Variants in MAGI1 observed in about 807,000 individuals in gnomAD.
MAGI1 encodes the protein membrane associated guanylate kinase, WW and PDZ domain containing 1, also known as membrane-associated guanylate kinase, WW and PDZ domain-containing protein 1.
MAGI1 carries 58 observed loss-of-function variants against 139.9 expected under a neutral mutation model. The ratio of observed to expected loss-of-function variants is 0.41; its 90% confidence interval spans 0.34 to 0.52. The LOEUF is 0.52. MAGI1 is among the 20% of genes least tolerant of loss of function. The pLI, the probability that MAGI1 is intolerant of heterozygous loss-of-function variation, is 0.12. For synonymous variants in MAGI1, 812 were observed against 737.9 expected (o/e 1.10, Z -1.63); for missense variants, 1,874 against 1,901.6 (o/e 0.99, Z 0.27).
rs536433343 is a variant in MAGI1, at chr3:65,409,809, A to G, written c.2168-8339T>C. Among the ~76,000 whole-genome samples the G allele has an allele frequency of 1.1e-4, 16 of 152,308 alleles. No individual in the cohort carries two copies. The Middle Eastern group carries it at 0.01, about 97-fold the overall frequency. On this transcript the variant is annotated intron_variant, in intron 12 of 22. Transcript: ENST00000402939. ...ATGGTCATTATGAAGTATTTTGACC[A>G]TCATAATTTAGAGAGATAGTTGGAC...
At chr3:65,636,802 A>C (rs1166704346) in intron 1 of MAGI1, among the ~76,000 whole-genome samples, 1 of 152,248 alleles carries the variant, frequency 6.6e-6, no homozygotes, top group East Asian at 1.9e-4. Context: ...GAAGGCATAG[A>C]ATGAAGTAAA....
At chr3:65,829,333 C>A (rs923047103) in intron 1 of MAGI1, among the ~76,000 whole-genome samples, 11 of 152,134 alleles carry the variant, frequency 7.2e-5, no homozygotes, top group African/African-American at 2.7e-4. Flanking sequence ...CCCAAAATTC[C>A]TATGTTGGAA....
At position 65,387,388 on chromosome 3, in the gene MAGI1, C is replaced by CTT. The variant is rs35217636; in HGVS notation, c.2416+3752_2416+3753dup. Among the ~76,000 whole-genome samples, 557 of 146,900 alleles carry CTT rather than the reference C, an allele frequency of 3.8e-3. 1 individual carries two copies. The highest frequency in any genetic ancestry group is 7.3e-3 in the African/African-American group (294 of 40,388). On this transcript the variant is annotated intron_variant, in intron 14 of 22. Coordinates refer to ENST00000402939, the MANE Select transcript of MAGI1 (RefSeq NM_001033057.2). ...TATAGTTTGATTCCATTTTTTCTTT[C>CTT]TTTTTTTTTTTACAGTGCTTTACTT... is the stretch of plus-strand genomic sequence containing the variant.
chr3:65,776,262 T>TTTA (rs2038410948), intron 1 of MAGI1, among the ~76,000 whole-genome samples: 2 of 150,608 alleles, frequency 1.3e-5, no homozygotes, highest in East Asian at 1.9e-4. Flanking sequence ...TTTTTTTTTT[T>TTTA]ATGGCTTCTG....
chr3:65,356,470 T>C lies in MAGI1; in HGVS notation c.4297A>G (p.Asn1433Asp). Residue 1433 changes from asparagine to aspartate, a missense_variant, in exon 23 of 23, where the codon AAT (asparagine) becomes GAT (aspartate). By Grantham distance (23) the Asn-to-Asp change is conservative (BLOSUM62 1). Transcript: ENST00000402939. ...RASHREREEANLKQDAGRSSR... is the reference protein window; with the variant it reads ...RASHREREEADLKQDAGRSSR... The stretch of plus-strand genomic sequence containing the variant: ...CTTCTGCCGGCATCCTGTTTCAGAT[T>C]CGCCTCTTCCCTTTCTCGGTGGCTG... 6.2e-7 allele frequency: 1 copy of C among 1,612,006 alleles called. No homozygotes were observed. The highest frequency in any genetic ancestry group is 8.5e-7 in the Non-Finnish European group (1 of 1,179,954).
chr3:65,506,969 C>T (rs552695971), intron 2 of MAGI1, among the ~76,000 whole-genome samples: 2 of 152,286 alleles, frequency 1.3e-5, no homozygotes, highest in South Asian at 2.1e-4. Flanking sequence ...CTCAAGTATA[C>T]AGCGAAATAG....
At chr3:65,591,194 C>T (rs183973373) in intron 2 of MAGI1, among the ~76,000 whole-genome samples, 104 of 152,236 alleles carry the variant, frequency 6.8e-4, no homozygotes, top group African/African-American at 2.5e-3. Context: ...CTGTCAAGCT[C>T]ACTATGTCCA....
intron 7 of MAGI1, among the ~76,000 whole-genome samples, chr3:65,447,204 C>A (rs1948732574): frequency 6.6e-6 from 1 of 152,302 alleles, no homozygotes; most frequent in South Asian, 2.1e-4. Context: ...CTTATGCTTT[C>A]CTATGTATCC....
chr3:65,509,526 C>CG (rs2077468460), intron 2 of MAGI1, among the ~76,000 whole-genome samples: 2 of 152,192 alleles, frequency 1.3e-5, no homozygotes, highest in African/African-American at 4.8e-5. Context: ...CCCTTTCCGA[C>CG]TCAAAGAAAG....
intron 1 of MAGI1, among the ~76,000 whole-genome samples, chr3:65,987,851 G>T (rs894982052): frequency 2.0e-5 from 3 of 152,200 alleles, no homozygotes; most frequent in African/African-American, 4.8e-5. Flanking sequence ...TTACAGTCAT[G>T]AGCCACTGCT....
chr3:65,406,801 C>A (rs1320439240), intron 12 of MAGI1, among the ~76,000 whole-genome samples: 4 of 145,048 alleles, frequency 2.8e-5, no homozygotes, highest in Non-Finnish European at 4.7e-5. Flanking sequence ...AGATCTCTCT[C>A]TCTCTATATA....
At chr3:65,869,266 A>G (rs1292129248) in intron 1 of MAGI1, among the ~76,000 whole-genome samples, 1 of 151,320 alleles carries the variant, frequency 6.6e-6, no homozygotes, top group African/African-American at 2.4e-5. Flanking sequence ...AAAAAAAAAA[A>G]AAAAACAACA....
chr3:65,376,552 G>A (rs771038652), intron 17 of MAGI1, among the ~76,000 whole-genome samples: 28 of 152,154 alleles, frequency 1.8e-4, no homozygotes, highest in Admixed American at 1.4e-3. Flanking sequence ...GAAAAAGGGT[G>A]TAATTATAAG....
intron 1 of MAGI1, among the ~76,000 whole-genome samples, chr3:65,730,842 G>A (rs1211741497): frequency 1.3e-5 from 2 of 152,034 alleles, no homozygotes; most frequent in East Asian, 1.9e-4. Flanking sequence ...GTGAGAGGCT[G>A]AAGTGTTGTC....
intron 1 of MAGI1, among the ~76,000 whole-genome samples, chr3:65,984,549 T>TGA (rs1553743211): frequency 7.7e-5 from 11 of 143,362 alleles, no homozygotes; most frequent in South Asian, 2.2e-4. Context: ...TGTGTGTGTG[T>TGA]GACAGGGTCT....
intron 1 of MAGI1, among the ~76,000 whole-genome samples, chr3:65,747,757 C>G (rs1344224113): frequency 6.6e-6 from 1 of 152,144 alleles, no homozygotes; most frequent in Non-Finnish European, 1.5e-5. Context: ...CATGGAGACT[C>G]TACTTTCTGC....
At chr3:65,961,761 C>T (rs78151867) in intron 1 of MAGI1, among the ~76,000 whole-genome samples, 9,657 of 152,238 alleles carry the variant, frequency 0.063, 413 homozygotes, top group Middle Eastern at 0.1. Context: ...TCATTTTACA[C>T]GTTTCAAGAA....
At chr3:65,481,597 G>T (rs966254534) in intron 3 of MAGI1, among the ~76,000 whole-genome samples, 2 of 152,146 alleles carry the variant, frequency 1.3e-5, no homozygotes, top group Non-Finnish European at 1.5e-5. Flanking sequence ...CTATAAATAA[G>T]AAACTTCTAC....
At chr3:65,869,677 G>A (rs922844058) in intron 1 of MAGI1, among the ~76,000 whole-genome samples, 2 of 152,040 alleles carry the variant, frequency 1.3e-5, no homozygotes, top group African/African-American at 2.4e-5. Context: ...TGGAATTACA[G>A]GAGTGAGCCA....
Sources: allele counts gnomAD v4.1 joint callset (sites outside exome capture counted in the v4.1 genomes callset), GRCh38; gene constraint gnomAD v4.1.1; transcripts MANE v1.5; gene names NCBI Gene and HGNC (gene_info 2026-07-23, HGNC 2026-07-21).